Variants in CEP290 observed in about 807,000 individuals in gnomAD.
CEP290 encodes the protein centrosomal protein of 290 kDa.
In CEP290, 317 loss-of-function variants were observed where a neutral mutation model predicts 344.9. The ratio of observed to expected loss-of-function variants is 0.92; its 90% CI spans 0.84 to 1.01. The LOEUF is 1.01. Among genes scored for constraint, CEP290 ranks in the 50% least tolerant of loss-of-function variants. The pLI is 0.00. For missense variants in CEP290, 2,754 were observed against 2,761.4 expected (o/e 1.00, Z 0.06); for synonymous variants, 932 against 895.8 (o/e 1.04, Z -0.72).
chr12:88,055,803 A>G (rs910148735), intron 49 of CEP290, 86 bp from the exon 50 acceptor site: 40 of 887,978 alleles, frequency 4.5e-5, no homozygotes, highest in Non-Finnish European at 6.4e-5. Flanking sequence ...TGTACTAAAA[A>G]TAAGCAAGAA....
rs1223956779 is a variant in CEP290 at position 88,115,305 on chromosome 12, T to C, written c.1825-123A>G. 1.7e-5 allele frequency: 12 copies of C among 695,266 alleles called. No individual in the cohort carries two copies. In the East Asian group the frequency reaches 2.6e-4, roughly 15 times the overall value. The allele number at this position is 695,266 out of a possible 1,614,324, so 43.1% of individuals were successfully genotyped here. On this transcript the variant is annotated intron_variant, in intron 18 of 53. Coordinates refer to ENST00000552810, the MANE Select transcript of CEP290 (RefSeq NM_025114.4). ...AAAACAAAACAAAAAAAACGAGCTA[T>C]GAAGACATAGCAGCAATCATAAAAA...
At chr12:88,064,988 T>C (rs2034793699) in intron 44 of CEP290, among the ~76,000 whole-genome samples, 1 of 152,132 alleles carries the variant, frequency 6.6e-6, no homozygotes, top group Non-Finnish European at 1.5e-5. Flanking sequence ...ATATTATATT[T>C]TCATTTCTTT....
At chr12:88,110,996 C>T (rs924373844) in intron 22 of CEP290, among the ~76,000 whole-genome samples, 1 of 151,876 alleles carries the variant, frequency 6.6e-6, no homozygotes, top group Non-Finnish European at 1.5e-5. Context: ...CATCAAAATC[C>T]ATAAAAAATA....
rs1311768603 is a variant in CEP290 at position 88,101,016 on chromosome 12, C to T, written c.2991+1822G>A. ...CGGTAGCTTTTGACAGTTTTTAAGG[C>T]GGGGAGTCACATGGGAGTCACAGGG... On this transcript the variant is annotated intron_variant, in intron 26 of 53. Transcript: ENST00000552810. Among the ~76,000 whole-genome samples, 4 of 151,970 alleles carry T rather than the reference C, an allele frequency of 2.6e-5. No individual in the cohort carries two copies. In the East Asian group the frequency reaches 7.8e-4, roughly 29 times the overall value.
chr12:88,079,266 G>A (rs1399976301), intron 38 of CEP290, 37 bp from the exon 39 acceptor site: 10 of 1,501,516 alleles, frequency 6.7e-6, no homozygotes, highest in South Asian at 2.7e-5. Context: ...AATTTTTAAA[G>A]GAAAACTGAC....
chr12:88,090,004 C>T (rs56872364), intron 30 of CEP290, among the ~76,000 whole-genome samples: 4 of 152,104 alleles, frequency 2.6e-5, no homozygotes, highest in Non-Finnish European at 5.9e-5. Context: ...GGATTACAGG[C>T]GTGAGCCACC....
At position 88,089,456 on chromosome 12, in the gene CEP290, T is replaced by C. The variant is rs375065584; in HGVS notation, c.3605A>G (p.Lys1202Arg). ...AQSDEKSLIA[K>R]LHQHNVSLQL... is the part of the protein sequence containing the mutation. ...AAGAGAGACATTATGTTGGTGCAAC[T>C]TGGCAATGAGCGACTTTTCATCAGA... The change falls in exon 31 of 54, where the codon AAG (lysine) becomes AGG (arginine). Residue 1202 changes from lysine to arginine, a missense_variant. Lys to Arg is a conservative substitution (Grantham distance 26, BLOSUM62 2). Coordinates refer to ENST00000552810, the MANE Select transcript of CEP290 (RefSeq NM_025114.4). 1.3e-5 allele frequency: 21 copies of C among 1,569,688 alleles called. No homozygotes were observed. In the Admixed American group the frequency reaches 2.1e-4, roughly 15 times the overall value.
chr12:88,127,045 C>T lies in CEP290; in HGVS notation c.943-607G>A, dbSNP rs901637060. On this transcript the variant is annotated intron_variant, in intron 11 of 53. Transcript: ENST00000552810. ...ACGTTTTTAGATATTAAAACATACACAAATTAAAACAAGTATACACTGCTA... is the reference window on the plus strand; with the variant it reads ...ACGTTTTTAGATATTAAAACATACATAAATTAAAACAAGTATACACTGCTA... Among the ~76,000 whole-genome samples, 4 of 8,156 alleles carry T rather than the reference C, an allele frequency of 4.9e-4. No individual in the cohort carries two copies. The Admixed American group carries it at 8.2e-3, about 17-fold the overall frequency. 5.4% of individuals were successfully genotyped at this position (8,156 alleles called of 152,430 possible).
chr12:88,123,249 G>A (rs1315049826), intron 13 of CEP290, among the ~76,000 whole-genome samples: 4 of 151,950 alleles, frequency 2.6e-5, no homozygotes, highest in Non-Finnish European at 5.9e-5. Context: ...AAAATCATGA[G>A]TTATTTCTTC....
At chr12:88,077,939 G>A (rs1367577187) in intron 39 of CEP290, 21 bp from the exon 40 acceptor site, 2 of 1,075,068 alleles carry the variant, frequency 1.9e-6, no homozygotes, top group African/African-American at 3.3e-5. Context: ...AAAAAGAAAG[G>A]TATTATTCAT....
At chr12:88,119,534 C>T (rs948082500) in intron 15 of CEP290, among the ~76,000 whole-genome samples, 4 of 152,160 alleles carry the variant, frequency 2.6e-5, no homozygotes, top group Admixed American at 6.5e-5. Flanking sequence ...CGCGGTGGCT[C>T]ATGCCTATTA....
rs377142184 is a variant in CEP290 at position 88,111,783 on chromosome 12, C to G, written c.2128G>C (p.Gly710Arg). The change falls in exon 21 of 54, where the codon GGA becomes CGA. Residue 710 changes from glycine (G) to arginine (R), a missense_variant. By Grantham distance (125) the Gly-to-Arg change is moderately radical. Coordinates refer to ENST00000552810, the MANE Select transcript of CEP290 (RefSeq NM_025114.4). ...TCCTGTCTTAATTCTTCATTTCTTC[C>G]GGTAAGCTGATCAACTTGGGCTTTC... ...HLKAQVDQLTGRNEELRQELR... is the reference protein window; with the variant it reads ...HLKAQVDQLTRRNEELRQELR... The G allele has an allele frequency of 6.2e-7, 1 of 1,606,732 alleles. No homozygotes were observed. The highest frequency in any genetic ancestry group is 1.3e-5 in the African/African-American group (1 of 74,478).
At chr12:88,115,749 T>G in intron 18 of CEP290, 1 of 954,774 alleles carries the variant, frequency 1.0e-6, no homozygotes, top group Non-Finnish European at 1.2e-6. Flanking sequence ...AGAAATATAA[T>G]TTGGAGAAAA....
intron 18 of CEP290, chr12:88,115,735 C>T: frequency 1.1e-6 from 1 of 929,048 alleles, no homozygotes; most frequent in South Asian, 5.0e-5. Context: ...AAAAGAACAA[C>T]CACAGAAATA....
In CEP290 at chr12:88,106,797, G is replaced by A; in HGVS notation, c.2695C>T (p.Gln899Ter). The change falls in exon 25 of 54, where the codon CAA becomes TAA. Residue 899 changes from glutamine to a stop codon, truncating the protein, a stop_gained. Coordinates refer to ENST00000552810, the MANE Select transcript of CEP290 (RefSeq NM_025114.4). LOFTEE classifies it high-confidence loss of function. ...LQVNEKSLIR[Q>*]YTTLVELERQ... ...TCCAATTCTACTAAGGTTGTATATT[G>A]CCTTATAAGTGATTTTTCATTCACT... The A allele has an allele frequency of 6.2e-7, 1 of 1,608,202 alleles. No homozygotes were observed. The highest frequency in any genetic ancestry group is 8.5e-7 in the Non-Finnish European group (1 of 1,176,892).
At chr12:88,114,961 C>T in intron 19 of CEP290, 137 bp downstream of exon 19, 1 of 508,298 alleles carries the variant, frequency 2.0e-6, no homozygotes, top group Non-Finnish European at 3.5e-6. Flanking sequence ...TAGTGACAGA[C>T]TGAAGTATAT....
At chr12:88,108,128 TA>T (rs1021762225) in intron 23 of CEP290, among the ~76,000 whole-genome samples, 17 of 152,242 alleles carry the variant, frequency 1.1e-4, no homozygotes, top group African/African-American at 4.1e-4. Context: ...ATATATAAAT[TA>T]TTTTTTTGAA....
At position 88,136,557 on chromosome 12, in the gene CEP290, A is replaced by G. The variant is rs1440665032; in HGVS notation, c.441+86T>C. On this transcript the variant is annotated intron_variant, in intron 6 of 53. Coordinates refer to ENST00000552810, the MANE Select transcript of CEP290 (RefSeq NM_025114.4). ...CATCATTTTTCAAATATAACATACA[A>G]TATAAAAATTGATATTGTTACCAAT... The G allele has an allele frequency of 3.9e-6, 5 of 1,294,720 alleles. No individual in the cohort carries two copies. In the Admixed American group the frequency reaches 7.3e-5, roughly 19 times the overall value. The allele number at this position is 1,294,720 out of a possible 1,614,324, so 80.2% of individuals were successfully genotyped here. A position where few individuals can be genotyped will look rare whatever the true frequency, so the allele number is the denominator to read the frequency against.
chr12:88,109,322 C>A, intron 22 of CEP290, 141 bp from the exon 23 acceptor site: 2 of 466,644 alleles, frequency 4.3e-6, no homozygotes, highest in Non-Finnish European at 3.8e-6. Flanking sequence ...GATCATTTTT[C>A]CATGATATTT....
Sources: gnomAD v4.1 joint callset for allele counts (sites outside exome capture counted in the v4.1 genomes callset) on GRCh38, gnomAD v4.1.1 for gene constraint, MANE v1.5 for transcripts, NCBI Gene and HGNC (gene_info 2026-07-23, HGNC 2026-07-21) for gene names.